Variants in ROBO1 observed in about 807,000 individuals in gnomAD.
ROBO1 encodes roundabout homolog 1.
Under a neutral mutation model 195.9 loss-of-function variants are expected in ROBO1, and 149 were observed. That is an observed-to-expected ratio of 0.76 (90% CI 0.67 to 0.87). ROBO1 has a LOEUF of 0.87. Ranked by LOEUF, ROBO1 falls within the 40% of genes least tolerant of loss-of-function variation. The pLI, the probability that ROBO1 is intolerant of heterozygous loss-of-function variation, is 0.00. For missense variants in ROBO1, 1,933 were observed against 2,068.3 expected (o/e 0.93, Z 1.27); for synonymous variants, 816 against 733.2 (o/e 1.11, Z -1.82).
At chr3:78,977,612 TA>T (rs991891276) in intron 3 of ROBO1, among the ~76,000 whole-genome samples, 4 of 149,700 alleles carry the variant, frequency 2.7e-5, no homozygotes, top group East Asian at 1.9e-4. Context: ...ATATATATTT[TA>T]AAAAAAAAGA....
chr3:78,939,543 G>A (rs909380353), intron 3 of ROBO1, among the ~76,000 whole-genome samples: 7 of 151,134 alleles, frequency 4.6e-5, no homozygotes, highest in Non-Finnish European at 7.4e-5. Flanking sequence ...GCGTGAACCC[G>A]GGAGGCGGAG....
chr3:79,631,763 T>TC (rs939475412), intron 1 of ROBO1, among the ~76,000 whole-genome samples: 1 of 151,808 alleles, frequency 6.6e-6, no homozygotes, highest in African/African-American at 2.4e-5. Context: ...TACAAGGAAC[T>TC]CAAACAGTTC....
chr3:79,045,301 C>T (rs193016456), intron 3 of ROBO1, among the ~76,000 whole-genome samples: 9 of 151,934 alleles, frequency 5.9e-5, no homozygotes, highest in South Asian at 4.2e-4. Context: ...ATTTTTAGCA[C>T]GAACACCAAA....
chr3:79,742,802 A>C (rs1227269676), intron 1 of ROBO1, among the ~76,000 whole-genome samples: 1 of 152,146 alleles, frequency 6.6e-6, no homozygotes, highest in Non-Finnish European at 1.5e-5. Context: ...AGCAGTTCTT[A>C]CAAGAGCTTC....
intron 4 of ROBO1, among the ~76,000 whole-genome samples, chr3:78,854,122 C>G (rs552912802): frequency 6.6e-6 from 1 of 151,836 alleles, no homozygotes; most frequent in Admixed American, 6.6e-5. Context: ...GGATTCAAGA[C>G]GGCAATATCC....
At chr3:78,830,889 GTTTT>G (rs869255407) in intron 4 of ROBO1, among the ~76,000 whole-genome samples, 2 of 149,890 alleles carry the variant, frequency 1.3e-5, no homozygotes, top group Admixed American at 6.6e-5. Flanking sequence ...TGTTTTTTGT[GTTTT>G]TTGTTTGTTT....
chr3:78,621,454 G>C (rs1459377274), intron 26 of ROBO1, among the ~76,000 whole-genome samples: 1 of 152,152 alleles, frequency 6.6e-6, no homozygotes, highest in African/African-American at 2.4e-5. Context: ...ACATTCTGTA[G>C]AGCAAATACA....
intron 3 of ROBO1, among the ~76,000 whole-genome samples, chr3:78,953,362 C>T (rs1172403103): frequency 2.7e-5 from 4 of 145,984 alleles, no homozygotes; most frequent in African/African-American, 1.1e-4. Context: ...CTGTAAAATA[C>T]TGAACAAGTA....
chr3:78,842,281 A>ATTTATATGTATGAGCCATATATATT (rs2033284748), intron 4 of ROBO1, among the ~76,000 whole-genome samples: 7 of 127,618 alleles, frequency 5.5e-5, no homozygotes, highest in South Asian at 4.4e-4. Context: ...CCATATATAT[A>ATTTATATGTATGAGCCATATATATT]TTTATATATA....
chr3:79,726,534 C>A (rs557700022), intron 1 of ROBO1, among the ~76,000 whole-genome samples: 33 of 152,176 alleles, frequency 2.2e-4, no homozygotes, highest in African/African-American at 7.2e-4. Flanking sequence ...ATAATCAAGT[C>A]CATACTTCTG....
chr3:79,620,361 G>A (rs575497597), intron 1 of ROBO1, among the ~76,000 whole-genome samples: 2 of 152,052 alleles, frequency 1.3e-5, no homozygotes, highest in African/African-American at 4.8e-5. Flanking sequence ...TACAGTGGAG[G>A]GTAAATCCGT....
intron 8 of ROBO1, among the ~76,000 whole-genome samples, chr3:78,698,777 C>T (rs1461968844): frequency 2.6e-5 from 4 of 152,158 alleles, no homozygotes; most frequent in African/African-American, 9.7e-5. Flanking sequence ...TATTTCAACC[C>T]ATATATACAA....
intron 4 of ROBO1, among the ~76,000 whole-genome samples, chr3:78,895,833 A>C (rs2107415293): frequency 6.6e-6 from 1 of 152,344 alleles, no homozygotes; most frequent in East Asian, 1.9e-4. Flanking sequence ...CATTTGATGT[A>C]TTTCAGATGA....
At chr3:79,326,349 G>A (rs1576979098) in intron 2 of ROBO1, among the ~76,000 whole-genome samples, 1 of 152,214 alleles carries the variant, frequency 6.6e-6, no homozygotes, top group East Asian at 1.9e-4. Context: ...TGCTGGTTTT[G>A]CAGCTTGTGG....
chr3:78,716,957 C>A (rs942669661), intron 7 of ROBO1, among the ~76,000 whole-genome samples: 1 of 152,086 alleles, frequency 6.6e-6, no homozygotes, highest in Non-Finnish European at 1.5e-5. Flanking sequence ...TCTTCCCTTT[C>A]CTGCCTACTA....
chr3:79,327,089 T>A (rs2034243887), intron 2 of ROBO1, among the ~76,000 whole-genome samples: 1 of 152,150 alleles, frequency 6.6e-6, no homozygotes, highest in African/African-American at 2.4e-5. Flanking sequence ...ATATGATTAT[T>A]ATTTACATTA....
intron 3 of ROBO1, among the ~76,000 whole-genome samples, chr3:78,983,297 C>T (rs1348014504): frequency 6.6e-6 from 1 of 152,156 alleles, no homozygotes; most frequent in Non-Finnish European, 1.5e-5. Context: ...TTACACACTC[C>T]CTTCTTTTCA....
At chr3:79,459,993 A>G (rs532486574) in intron 2 of ROBO1, among the ~76,000 whole-genome samples, 2 of 152,256 alleles carry the variant, frequency 1.3e-5, no homozygotes, top group South Asian at 4.1e-4. Flanking sequence ...GAAGTGATAA[A>G]TAATATGTAA....
intron 2 of ROBO1, among the ~76,000 whole-genome samples, chr3:79,541,083 T>C (rs1272881119): frequency 1.3e-5 from 2 of 152,144 alleles, no homozygotes; most frequent in East Asian, 3.8e-4. Context: ...AGTGTTAACT[T>C]CATACTGATT....
Sources: allele counts gnomAD v4.1 joint callset (sites outside exome capture counted in the v4.1 genomes callset), GRCh38; gene constraint gnomAD v4.1.1; transcripts MANE v1.5; gene names NCBI Gene and HGNC (gene_info 2026-07-23, HGNC 2026-07-21).